Variants in BACH2 observed in about 807,000 individuals in gnomAD.
The protein encoded by BACH2 is BACH transcriptional regulator 2.
Under a neutral mutation model 61.8 loss-of-function variants are expected in BACH2, and 5 were observed. The ratio of observed to expected loss-of-function variants is 0.08; its 90% CI spans 0.04 to 0.17. The LOEUF is 0.17. BACH2 is among the 10% of genes least tolerant of loss of function. The pLI, the probability that BACH2 is intolerant of heterozygous loss-of-function variation, is 1.00. For missense variants in BACH2, 824 were observed against 1,091.1 expected, an observed-to-expected ratio of 0.76 and a Z score of 3.45; for synonymous variants, 446 against 440.1, an observed-to-expected ratio of 1.01 and a Z score of -0.17.
intron 3 of BACH2, among the ~76,000 whole-genome samples, chr6:90,235,098 C>T (rs1770215592): frequency 6.6e-6 from 1 of 152,140 alleles, no homozygotes; most frequent in Non-Finnish European, 1.5e-5. Context: ...AACCAAAAAA[C>T]CAAGACCTTT....
chr6:90,012,677 A>AT (rs1457802965), intron 5 of BACH2, among the ~76,000 whole-genome samples: 3 of 150,688 alleles, frequency 2.0e-5, no homozygotes, highest in Non-Finnish European at 4.4e-5. Flanking sequence ...TTAATTGAAA[A>AT]TTTTTTTTGG....
At chr6:90,091,932 T>G (rs140606274) in intron 4 of BACH2, among the ~76,000 whole-genome samples, 31 of 152,242 alleles carry the variant, frequency 2.0e-4, no homozygotes, top group Non-Finnish European at 3.8e-4. Flanking sequence ...GCAGATAGAA[T>G]AGCTTATAAA....
intron 4 of BACH2, among the ~76,000 whole-genome samples, chr6:90,139,321 C>T (rs906979820): frequency 6.6e-6 from 1 of 152,132 alleles, no homozygotes; most frequent in Admixed American, 6.5e-5. Context: ...AAGTGGTGTG[C>T]CTTGAGCTGT....
chr6:90,150,418 A>G (rs1784775013), intron 4 of BACH2, among the ~76,000 whole-genome samples: 3 of 152,226 alleles, frequency 2.0e-5, no homozygotes, highest in Admixed American at 2.0e-4. Context: ...TGCTTGCAAT[A>G]TAGTCTCAAT....
At chr6:90,097,198 A>G (rs1268142378) in intron 4 of BACH2, among the ~76,000 whole-genome samples, 1 of 152,238 alleles carries the variant, frequency 6.6e-6, no homozygotes, top group African/African-American at 2.4e-5. Context: ...AGAAGCAGCA[A>G]AAGCTGCTGT....
intron 4 of BACH2, among the ~76,000 whole-genome samples, chr6:90,138,378 C>T (rs1784352714): frequency 6.6e-6 from 1 of 152,130 alleles, no homozygotes; most frequent in African/African-American, 2.4e-5. Context: ...TGGCGTGTGC[C>T]TGTAGTCTCA....
At chr6:90,158,410 A>G (rs1200935051) in intron 4 of BACH2, among the ~76,000 whole-genome samples, 1 of 151,834 alleles carries the variant, frequency 6.6e-6, no homozygotes, top group African/African-American at 2.4e-5. Flanking sequence ...ACACTATCTC[A>G]TCGAGAAGAA....
At position 90,116,848 on chromosome 6, in the gene BACH2, G is replaced by C. The variant is rs1016372721; in HGVS notation, c.-161-27739C>G. 4 of 608,792 alleles carry C rather than the reference G, an allele frequency of 6.6e-6. No homozygotes were observed. The African/African-American group carries it at 7.7e-5, about 12-fold the overall frequency. The allele number at this position is 608,792 out of a possible 1,614,324, so 37.7% of individuals were successfully genotyped here. On this transcript the variant is annotated intron_variant, in intron 4 of 8. Transcript: ENST00000257749. ...CTCACTAGGCTGGGATGCCTCTGGA[G>C]CACGCTTTGATATTTGATAGATGCC... is the stretch of plus-strand genomic sequence containing the variant.
At chr6:90,231,431 C>T (rs1216995174) in intron 3 of BACH2, among the ~76,000 whole-genome samples, 2 of 152,170 alleles carry the variant, frequency 1.3e-5, no homozygotes, top group African/African-American at 4.8e-5. Flanking sequence ...GACCAAACTG[C>T]AAATTCAAAT....
chr6:89,928,873 T>G lies in BACH2; in HGVS notation c.*3535A>C, dbSNP rs1363676967. On this transcript the variant is annotated 3_prime_UTR_variant, in exon 9 of 9. Coordinates refer to ENST00000257749, the MANE Select transcript of BACH2 (RefSeq NM_021813.4). ...GCCTCGTAACTTTGTCGGTTTTTTT[T>G]TTTTTAAAGTTTTTCTAACTGTTTT... 2.6e-5 allele frequency: 4 copies of G among 152,464 alleles called. No homozygotes were observed. The highest frequency in any genetic ancestry group is 5.9e-5 in the Non-Finnish European group (4 of 67,974). The allele number at this position is 152,464 out of a possible 1,614,324, so 9.4% of individuals were successfully genotyped here.
chr6:90,141,423 C>T (rs561574053), intron 4 of BACH2, among the ~76,000 whole-genome samples: 206 of 151,956 alleles, frequency 1.4e-3, no homozygotes, highest in African/African-American at 4.7e-3. Context: ...TCAAGTGATC[C>T]GCCTGCCTCG....
intron 5 of BACH2, among the ~76,000 whole-genome samples, chr6:90,072,839 G>A (rs1781299307): frequency 6.6e-6 from 1 of 152,096 alleles, no homozygotes; most frequent in Non-Finnish European, 1.5e-5. Context: ...ACTACCAAAA[G>A]CTGACAGAGG....
chr6:90,037,677 T>C (rs984229177), intron 5 of BACH2, among the ~76,000 whole-genome samples: 14 of 152,324 alleles, frequency 9.2e-5, no homozygotes, highest in African/African-American at 2.6e-4. Context: ...CTGTTGTGGA[T>C]TGAATCACAA....
intron 1 of BACH2, among the ~76,000 whole-genome samples, 189 bp from the exon 2 acceptor site, chr6:90,272,130 G>A (rs375817078): frequency 7.2e-5 from 11 of 152,192 alleles, no homozygotes; most frequent in African/African-American, 2.6e-4. Context: ...AATGCAACTG[G>A]ATTTCACCTC....
At chr6:90,161,244 G>T (rs1451047153) in intron 4 of BACH2, among the ~76,000 whole-genome samples, 1 of 152,108 alleles carries the variant, frequency 6.6e-6, no homozygotes, top group Non-Finnish European at 1.5e-5. Flanking sequence ...ATTAAAAAAA[G>T]TTAAAGCTAT....
At chr6:90,059,051 G>A (rs1467972019) in intron 5 of BACH2, among the ~76,000 whole-genome samples, 1 of 152,136 alleles carries the variant, frequency 6.6e-6, no homozygotes, top group African/African-American at 2.4e-5. Flanking sequence ...TACCATTCAG[G>A]ACACAGGCAT....
At chr6:90,146,999 T>A (rs1407710120) in intron 4 of BACH2, among the ~76,000 whole-genome samples, 1 of 152,158 alleles carries the variant, frequency 6.6e-6, no homozygotes, top group East Asian at 1.9e-4. Flanking sequence ...CTTTCATTTC[T>A]ACTGCTACTT....
chr6:90,036,075 T>A (rs1779249237), intron 5 of BACH2, among the ~76,000 whole-genome samples: 1 of 151,928 alleles, frequency 6.6e-6, no homozygotes, highest in African/African-American at 2.4e-5. Flanking sequence ...GAACTGTAGC[T>A]CTTCATGTAT....
intron 1 of BACH2, among the ~76,000 whole-genome samples, chr6:90,284,579 A>T (rs567701465): frequency 6.6e-6 from 1 of 152,306 alleles, no homozygotes. Flanking sequence ...CACAGCCCCG[A>T]CAGGAGATGC....
Sources: allele counts gnomAD v4.1 joint callset (sites outside exome capture counted in the v4.1 genomes callset), GRCh38; gene constraint gnomAD v4.1.1; transcripts MANE v1.5; gene names NCBI Gene and HGNC (gene_info 2026-07-23, HGNC 2026-07-21).